The following LGALS4 variants were observed in gnomAD, a reference collection of about 807,000 sequenced individuals.
LGALS4 encodes galectin 4.
In LGALS4, 37 loss-of-function variants were observed where a neutral mutation model predicts 39.6. The ratio of observed to expected loss-of-function variants is 0.93; its 90% CI spans 0.72 to 1.23. The LOEUF (loss-of-function observed/expected upper bound fraction) is 1.23. LGALS4 is among the 50% of genes most tolerant of loss of function. The pLI is 0.00. For missense variants in LGALS4, 397 were observed against 433.2 expected (o/e 0.92, Z 0.74); for synonymous variants, 160 against 165.5 (o/e 0.97, Z 0.25).
At chr19:38,804,244 C>G (rs1426240644) in intron 4 of LGALS4, among the ~76,000 whole-genome samples, 2 of 152,160 alleles carry the variant, frequency 1.3e-5, no homozygotes, top group African/African-American at 4.8e-5. Flanking sequence ...TCTGTCTTGG[C>G]CACACCTCAG....
chr19:38,811,255 G>T (rs182175676), intron 2 of LGALS4, among the ~76,000 whole-genome samples: 2 of 152,048 alleles, frequency 1.3e-5, no homozygotes, highest in African/African-American at 4.8e-5. Context: ...GAGGGCAGGG[G>T]TCTCTGTCCT....
chr19:38,809,831 C>T (rs911531618), intron 2 of LGALS4, among the ~76,000 whole-genome samples: 4 of 151,936 alleles, frequency 2.6e-5, no homozygotes, highest in African/African-American at 9.7e-5. Context: ...CTCTTCCCAA[C>T]TTCCAGTTAT....
chr19:38,812,489 C>G lies in LGALS4; in HGVS notation c.76G>C (p.Gly26Arg). Residue 26 changes from glycine to arginine, a missense_variant, in exon 2 of 10, where the codon GGG becomes CGG. By Grantham distance (125) the Gly-to-Arg change is moderately radical (BLOSUM62 -2). Coordinates refer to ENST00000307751, the MANE Select transcript of LGALS4 (RefSeq NM_006149.4). Reference sequence around the variant, plus strand: ...TAAACAGACATTCCCACGTTGAGCCCGCCCGGGATGGGCTGGTAGTAAGGC... The same window carrying G: ...TAAACAGACATTCCCACGTTGAGCCGGCCCGGGATGGGCTGGTAGTAAGGC... ...TLPYYQPIPG[G>R]LNVGMSVYIQ... 1 of 1,614,196 alleles carries G rather than the reference C, an allele frequency of 6.2e-7. No individual in the cohort carries two copies. Among genetic ancestry groups the G allele is most frequent in the East Asian group, 2.2e-5 (1 of 44,888 alleles).
chr19:38,809,108 G>A (rs570126431), intron 2 of LGALS4, among the ~76,000 whole-genome samples, 160 bp from the exon 3 acceptor site: 6 of 152,158 alleles, frequency 3.9e-5, no homozygotes, highest in African/African-American at 1.2e-4. Flanking sequence ...CCACAGCGTG[G>A]AGAGGACCTG....
At chr19:38,802,435 C>A in intron 7 of LGALS4, 31 bp from the exon 8 acceptor site, 1 of 1,557,358 alleles carries the variant, frequency 6.4e-7, no homozygotes. Flanking sequence ...GTCCCATTCT[C>A]TCTCAGCTTA....
Position 38,808,894 on chromosome 19 carries a change from G to A in LGALS4, c.189C>T (p.His63=), listed in dbSNP as rs545310799. Reference sequence around the variant, plus strand: ...CCCAGCCGTCAAACCGCGGATTGAAGTGGAAGGCGACGTCTGAGCCCGGAT... The same window carrying A: ...CCCAGCCGTCAAACCGCGGATTGAAATGGAAGGCGACGTCTGAGCCCGGAT... ...GQDPGSDVAF[H]FNPRFDGWDK... Residue 63 remains histidine, a synonymous_variant, in exon 3 of 10, where the codon CAC becomes CAT. Transcript: ENST00000307751. 3.7e-5 allele frequency: 60 copies of A among 1,614,180 alleles called. No homozygotes were observed. In the South Asian group the frequency reaches 5.3e-4, roughly 14 times the overall value.
intron 4 of LGALS4, among the ~76,000 whole-genome samples, chr19:38,805,608 G>C (rs1486356367): frequency 6.6e-6 from 1 of 152,054 alleles, no homozygotes. Context: ...CTCCTGTCCT[G>C]GCCCTGATCC....
intron 3 of LGALS4, among the ~76,000 whole-genome samples, chr19:38,806,992 C>T (rs535686351): frequency 6.6e-6 from 1 of 150,792 alleles, no homozygotes; most frequent in Admixed American, 6.6e-5. Flanking sequence ...CATTGGGAGT[C>T]GATAGTCTTG....
At chr19:38,810,829 A>G (rs1032312466) in intron 2 of LGALS4, among the ~76,000 whole-genome samples, 2 of 143,604 alleles carry the variant, frequency 1.4e-5, no homozygotes, top group African/African-American at 5.2e-5. Flanking sequence ...CCGCACATAC[A>G]CTCCCCATCT....
At chr19:38,803,428 A>C in intron 7 of LGALS4, 94 bp downstream of exon 7, 2 of 1,340,220 alleles carry the variant, frequency 1.5e-6, no homozygotes, top group Non-Finnish European at 2.1e-6. Flanking sequence ...CTCCCACCCC[A>C]AAACCCTCAG....
chr19:38,812,497 A>T lies in LGALS4; in HGVS notation c.68T>A (p.Ile23Asn). 1 of 1,614,146 alleles carries T rather than the reference A, an allele frequency of 6.2e-7. No homozygotes were observed. Among genetic ancestry groups the T allele is most frequent in the Non-Finnish European group, 8.5e-7 (1 of 1,180,016 alleles). Residue 23 changes from isoleucine to asparagine, a missense_variant, in exon 2 of 10, where the codon ATC (isoleucine) becomes AAC (asparagine). By Grantham distance (149) the Ile-to-Asn change is moderately radical. Coordinates refer to ENST00000307751, the MANE Select transcript of LGALS4 (RefSeq NM_006149.4). ...CATTCCCACGTTGAGCCCGCCCGGG[A>T]TGGGCTGGTAGTAAGGCAGCGTCTG... ...YNPTLPYYQP[I>N]PGGLNVGMSV...
At chr19:38,809,473 C>T (rs1051428190) in intron 2 of LGALS4, among the ~76,000 whole-genome samples, 1 of 151,512 alleles carries the variant, frequency 6.6e-6, no homozygotes, top group Admixed American at 6.6e-5. Flanking sequence ...AGACACCGTG[C>T]CTGACATTTT....
chr19:38,812,399 G>A (rs1971503930), intron 2 of LGALS4, 32 bp downstream of exon 2: 3 of 1,598,838 alleles, frequency 1.9e-6, no homozygotes, highest in Admixed American at 3.3e-5. Flanking sequence ...GAAGTCCCCT[G>A]CCAGCCCGGC....
chr19:38,811,631 G>C (rs186534870), intron 2 of LGALS4, among the ~76,000 whole-genome samples: 1 of 151,910 alleles, frequency 6.6e-6, no homozygotes, highest in East Asian at 1.9e-4. Context: ...CTGCACTCCA[G>C]CTTGGGCAAC....
intron 3 of LGALS4, among the ~76,000 whole-genome samples, chr19:38,807,198 C>G (rs1326718524): frequency 6.6e-6 from 1 of 151,498 alleles, no homozygotes; most frequent in African/African-American, 2.4e-5. Context: ...AAGACCCCGT[C>G]TTTACAAAAA....
In LGALS4 at chr19:38,808,913, C is replaced by G; in HGVS notation, c.170G>C (p.Gly57Ala). Residue 57 changes from glycine to alanine, a missense_variant, in exon 3 of 10, where the codon GGC becomes GCC. Transcript: ENST00000307751. Reference protein sequence around the residue: ...FVNFVVGQDPGSDVAFHFNPR... With the variant: ...FVNFVVGQDPASDVAFHFNPR... ...ATTGAAGTGGAAGGCGACGTCTGAG[C>G]CCGGATCCTGCCCAACCACAAAGTT... The G allele has an allele frequency of 1.2e-6, 2 of 1,613,716 alleles. No individual in the cohort carries two copies. The highest frequency in any genetic ancestry group is 1.7e-6 in the Non-Finnish European group (2 of 1,179,834).
chr19:38,812,464 T>C lies in LGALS4; in HGVS notation c.101A>G (p.Tyr34Cys). Residue 34 changes from tyrosine to cysteine, a missense_variant, in exon 2 of 10, where the codon TAC (tyrosine) becomes TGC (cysteine). Physicochemically the swap from Tyr to Cys is radical, Grantham distance 194 (BLOSUM62 -2). Coordinates refer to ENST00000307751, the MANE Select transcript of LGALS4 (RefSeq NM_006149.4). ...GTGCTCGCTGGCCACTCCTTGGATG[T>C]AAACAGACATTCCCACGTTGAGCCC... ...PGGLNVGMSV[Y>C]IQGVASEHMK... is the part of the protein sequence containing the mutation. The C allele has an allele frequency of 6.2e-7, 1 of 1,614,148 alleles. No homozygotes were observed. The highest frequency in any genetic ancestry group is 8.5e-7 in the Non-Finnish European group (1 of 1,180,026).
Position 38,808,791 on chromosome 19 carries a change from CCT to C in LGALS4, c.290_291del (p.Lys97ArgfsTer5). On this transcript the variant is annotated frameshift_variant, in exon 3 of 10. Coordinates refer to ENST00000307751, the MANE Select transcript of LGALS4 (RefSeq NM_006149.4). LOFTEE classifies it high-confidence loss of function. ...ATGAAGACCAGCTCAAAGGCGGCAC[CCT>C]TTTTGAAGGGCATGCTCCTCTTCCT... ...EERKRSMPFK[K>X]GAAFELVFIV... The C allele has an allele frequency of 6.2e-7, 1 of 1,614,158 alleles. No individual in the cohort carries two copies. The highest frequency in any genetic ancestry group is 8.5e-7 in the Non-Finnish European group (1 of 1,180,034).
Position 38,808,792 on chromosome 19 carries a change from C to CT in LGALS4, c.290dup (p.Ala99CysfsTer4). 1 of 1,614,178 alleles carries CT rather than the reference C, an allele frequency of 6.2e-7. No homozygotes were observed. Among genetic ancestry groups the CT allele is most frequent in the Non-Finnish European group, 8.5e-7 (1 of 1,180,018 alleles). ...TGAAGACCAGCTCAAAGGCGGCACC[C>CT]TTTTTGAAGGGCATGCTCCTCTTCC... On this transcript the variant is annotated frameshift_variant, in exon 3 of 10. Coordinates refer to ENST00000307751, the MANE Select transcript of LGALS4 (RefSeq NM_006149.4). LOFTEE classifies it high-confidence loss of function.
Sources: gnomAD v4.1 joint callset for allele counts (sites outside exome capture counted in the v4.1 genomes callset) on GRCh38, gnomAD v4.1.1 for gene constraint, MANE v1.5 for transcripts, NCBI Gene and HGNC (gene_info 2026-07-23, HGNC 2026-07-21) for gene names.